The following RNF220 variants were observed in gnomAD, a reference collection of about 807,000 sequenced individuals.
RNF220 encodes the protein ring finger protein 220.
RNF220 carries 7 observed loss-of-function variants against 67.1 expected under a neutral mutation model. The observed-to-expected ratio is 0.10, with a 90% confidence interval of 0.06 to 0.20. The LOEUF (loss-of-function observed/expected upper bound fraction) is 0.20. Among genes scored for constraint, RNF220 ranks in the 10% least tolerant of loss-of-function variants. RNF220 has a pLI of 1.00. For missense variants in RNF220, 565 were observed against 740.3 expected (o/e 0.76, Z 2.75); for synonymous variants, 270 against 283.2 (o/e 0.95, Z 0.47).
At chr1:44,422,374 A>G (rs1649321296) in intron 2 of RNF220, among the ~76,000 whole-genome samples, 1 of 152,302 alleles carries the variant, frequency 6.6e-6, no homozygotes, top group South Asian at 2.1e-4. Context: ...GTCTGGACGC[A>G]TGGGCTTCCT....
At chr1:44,442,926 G>T (rs761487150) in intron 2 of RNF220, among the ~76,000 whole-genome samples, 1 of 152,096 alleles carries the variant, frequency 6.6e-6, no homozygotes, top group African/African-American at 2.4e-5. Flanking sequence ...GAAAAGTTAG[G>T]AACCCTCCCT....
In RNF220 at chr1:44,590,763, G is replaced by T. The variant is rs115106845; in HGVS notation, c.626-23402G>T. 3.4e-3 allele frequency among the ~76,000 whole-genome samples: 525 copies of T among 152,290 alleles called. 4 individuals are homozygous for T. The highest frequency in any genetic ancestry group is 0.012 in the African/African-American group (503 of 41,546). ...ATTCATTCATTTGATGTCACTCACTGTGCCAGGCCCTGTTAAAGAAATAGA... is the reference window on the plus strand; with the variant it reads ...ATTCATTCATTTGATGTCACTCACTTTGCCAGGCCCTGTTAAAGAAATAGA... On this transcript the variant is annotated intron_variant, in intron 2 of 14. Coordinates refer to ENST00000361799, the MANE Select transcript of RNF220 (RefSeq NM_018150.4).
chr1:44,636,432 A>G (rs202163704), intron 8 of RNF220: 2 of 718,404 alleles, frequency 2.8e-6, no homozygotes, highest in South Asian at 1.5e-5. Flanking sequence ...GATGCATTGA[A>G]GGTGACAGCC....
At position 44,487,108 on chromosome 1, in the gene RNF220, G is replaced by A. The variant is rs1301814735; in HGVS notation, c.625+74386G>A. 3.3e-5 allele frequency among the ~76,000 whole-genome samples: 5 copies of A among 151,696 alleles called. 1 individual carries two copies. In the South Asian group the frequency reaches 6.3e-4, roughly 19 times the overall value. On this transcript the variant is annotated intron_variant, in intron 2 of 14. Coordinates refer to ENST00000361799, the MANE Select transcript of RNF220 (RefSeq NM_018150.4). ...CCAGCACTTTGGGAGGCTGAGGCGG[G>A]CAGATCATCTGAGATCAGGAGCTCG...
intron 2 of RNF220, among the ~76,000 whole-genome samples, chr1:44,455,674 A>G (rs1280061611): frequency 6.6e-6 from 1 of 152,252 alleles, no homozygotes; most frequent in African/African-American, 2.4e-5. Context: ...GGAAAGATGA[A>G]TAAGTTGAGA....
At chr1:44,431,973 A>C (rs1410702144) in intron 2 of RNF220, among the ~76,000 whole-genome samples, 1 of 152,246 alleles carries the variant, frequency 6.6e-6, no homozygotes, top group African/African-American at 2.4e-5. Flanking sequence ...TCCTGCTCCC[A>C]GTTGGCCCTG....
At chr1:44,589,347 G>A (rs188339992) in intron 2 of RNF220, among the ~76,000 whole-genome samples, 4 of 152,286 alleles carry the variant, frequency 2.6e-5, no homozygotes, top group African/African-American at 9.6e-5. Context: ...GGGCGTGGTG[G>A]CTCACGCCTG....
Position 44,645,544 on chromosome 1 carries a change from C to T in RNF220, c.1445+56C>T. 2 of 1,562,062 alleles carry T rather than the reference C, an allele frequency of 1.3e-6. No homozygotes were observed. The highest frequency in any genetic ancestry group is 3.4e-5 in the Admixed American group (2 of 58,240). On this transcript the variant is annotated intron_variant, in intron 12 of 14. Transcript: ENST00000361799. This position sits in a 1 kb window ranked among gnomAD's most constrained non-coding sequence, Gnocchi z 5.0. ...ACCACAGTTCAGTGGGAGGAGGGGC[C>T]CTTTGCTAGCAGGAAGGCCTGCTGC...
chr1:44,608,316 T>G (rs1667427864), intron 2 of RNF220, among the ~76,000 whole-genome samples: 1 of 152,136 alleles, frequency 6.6e-6, no homozygotes, highest in Non-Finnish European at 1.5e-5. Context: ...GGGCAGAGAG[T>G]GCGCCTGTCT....
At chr1:44,466,082 T>C (rs950841332) in intron 2 of RNF220, among the ~76,000 whole-genome samples, 6 of 152,246 alleles carry the variant, frequency 3.9e-5, no homozygotes, top group African/African-American at 9.6e-5. Context: ...TTGTAGTCAG[T>C]CCTCTCAATC....
intron 2 of RNF220, chr1:44,423,923 G>A (rs960678848): frequency 6.1e-6 from 6 of 985,304 alleles, no homozygotes; most frequent in African/African-American, 5.2e-5. Flanking sequence ...CCTGGCACAC[G>A]TCGGCATGCT....
intron 6 of RNF220, 168 bp downstream of exon 6, chr1:44,632,553 T>G: frequency 1.5e-6 from 1 of 688,572 alleles, no homozygotes; most frequent in Non-Finnish European, 2.5e-6. Context: ...GCTCTCAGTT[T>G]CCCCGTCTGT....
intron 1 of RNF220, among the ~76,000 whole-genome samples, chr1:44,406,156 G>C (rs1647307944): frequency 6.6e-6 from 1 of 152,228 alleles, no homozygotes; most frequent in Non-Finnish European, 1.5e-5. Context: ...GGATACCCGG[G>C]GAGTGGCTGT....
chr1:44,584,978 C>A (rs1157441446), intron 2 of RNF220, among the ~76,000 whole-genome samples: 1 of 152,208 alleles, frequency 6.6e-6, no homozygotes, highest in South Asian at 2.1e-4. Flanking sequence ...GGATTACAGG[C>A]GTGAGCCACC....
In RNF220 at chr1:44,551,200, C is replaced by T. The variant is rs1034059508; in HGVS notation, c.626-62965C>T. On this transcript the variant is annotated intron_variant, in intron 2 of 14. Transcript: ENST00000361799. Reference sequence around the variant, plus strand: ...CATGATCCTGACTCACTGCAACCTTCGCCTTCTGGATTCAAGCAATTCTCT... The same window carrying T: ...CATGATCCTGACTCACTGCAACCTTTGCCTTCTGGATTCAAGCAATTCTCT... Among the ~76,000 whole-genome samples the T allele has an allele frequency of 9.1e-5, 13 of 142,730 alleles. No individual in the cohort carries two copies. In the Admixed American group the frequency reaches 9.4e-4, roughly 10 times the overall value. 93.6% of individuals were successfully genotyped at this position (142,730 alleles called of 152,430 possible). A position where few individuals can be genotyped will look rare whatever the true frequency, so the allele number is the denominator to read the frequency against.
chr1:44,646,714 GAGC>G (rs1426433985), intron 12 of RNF220, among the ~76,000 whole-genome samples: 1 of 152,170 alleles, frequency 6.6e-6, no homozygotes, highest in Non-Finnish European at 1.5e-5. Flanking sequence ...AGGCTGGGGG[GAGC>G]CAGGATTTCT....
At chr1:44,506,781 A>G (rs1212347290) in intron 2 of RNF220, among the ~76,000 whole-genome samples, 1 of 152,192 alleles carries the variant, frequency 6.6e-6, no homozygotes, top group African/African-American at 2.4e-5. Flanking sequence ...TGGTAAATTC[A>G]TAGACACAGA....
intron 2 of RNF220, among the ~76,000 whole-genome samples, chr1:44,536,446 A>G (rs1441840275): frequency 2.0e-5 from 3 of 152,226 alleles, no homozygotes; most frequent in Non-Finnish European, 2.9e-5. Context: ...CTCATTAAAC[A>G]GTCCGTGGGA....
intron 2 of RNF220, among the ~76,000 whole-genome samples, chr1:44,420,992 C>T (rs1649150368): frequency 6.6e-6 from 1 of 152,220 alleles, no homozygotes; most frequent in African/African-American, 2.4e-5. Flanking sequence ...ACACTCATGC[C>T]TTATGGCAAT....
Sources: gnomAD v4.1 joint callset for allele counts (sites outside exome capture counted in the v4.1 genomes callset) on GRCh38, gnomAD v4.1.1 for gene constraint, Gnocchi (gnomAD v3.1) non-coding constraint, MANE v1.5 for transcripts, NCBI Gene and HGNC (gene_info 2026-07-23, HGNC 2026-07-21) for gene names.